Variants in HNRNPCL1 observed in about 807,000 individuals in gnomAD.
The protein encoded by HNRNPCL1 is heterogeneous nuclear ribonucleoprotein C-like 1.
In HNRNPCL1, 15 loss-of-function variants were observed where a neutral mutation model predicts 19.0. The observed-to-expected ratio is 0.79, with a 90% CI of 0.53 to 1.22. The LOEUF (loss-of-function observed/expected upper bound fraction) is 1.22, where lower values mean the gene tolerates loss of function less well. HNRNPCL1 is among the 50% of genes most tolerant of loss of function. The pLI is 0.00. For missense variants in HNRNPCL1, 327 were observed against 354.7 expected, an observed-to-expected ratio of 0.92 and a Z score of 0.63; for synonymous variants, 110 against 129.1, an observed-to-expected ratio of 0.85 and a Z score of 1.00.
Position 12,847,842 on chromosome 1 carries a change from C to T in HNRNPCL1, c.448G>A (p.Gly150Arg), listed in dbSNP as rs746258797. Residue 150 changes from glycine to arginine, a missense_variant, in exon 2 of 2, where the codon GGA becomes AGA. Gly to Arg is a moderately radical substitution (Grantham distance 125, BLOSUM62 -2). Transcript: ENST00000317869. Reference protein sequence around the residue: ...VVPSKRQRLSGNTSRRGKSGF... With the variant: ...VVPSKRQRLSRNTSRRGKSGF... ...CTTTTGCCCCTTCGTGAGGTGTTTC[C>T]TGATAGACGTTGACGTTTCGAGGGC... 2 of 1,606,648 alleles carry T rather than the reference C, an allele frequency of 1.2e-6. No individual in the cohort carries two copies. Among genetic ancestry groups the T allele is most frequent in the South Asian group, 1.1e-5 (1 of 90,474 alleles).
rs143019406 is a variant in HNRNPCL1, at chr1:12,847,880, G to T, written c.410C>A (p.Ala137Asp). 1.0e-5 allele frequency: 16 copies of T among 1,606,524 alleles called. 1 individual carries two copies. In the African/African-American group the frequency reaches 1.5e-4, roughly 15 times the overall value. The change falls in exon 2 of 2, where the codon GCT (alanine) becomes GAT (aspartate). Residue 137 changes from alanine (A) to aspartate (D), a missense_variant. Ala to Asp is a moderately radical substitution (Grantham distance 126, BLOSUM62 -2). Transcript: ENST00000317869. The part of the protein sequence containing the change: ...PARVPPPPPI[A>D]LAVVPSKRQR... ...ACGTTTCGAGGGCACTACAGCCAGA[G>T]CAATGGGAGGAGGAGGAGGTACACG...
rs772042665 is a variant in HNRNPCL1, at chr1:12,848,029, C to T, written c.261G>A (p.Glu87=). 383 of 1,607,160 alleles carry T rather than the reference C, an allele frequency of 2.4e-4. 11 individuals carry two copies. The highest frequency in any genetic ancestry group is 3.0e-4 in the Non-Finnish European group (357 of 1,176,794). The change falls in exon 2 of 2, where the codon GAG becomes GAA. Residue 87 remains glutamate, a synonymous_variant. Transcript: ENST00000317869. ...SQVVDINLAA[E]PKVNRGNAGV... ...CTGCGTTTCCTCGGTTCACTTTTGG[C>T]TCCGCAGCCAGGTTAATATCTACAA...
rs2206070 is a variant in HNRNPCL1 at position 12,847,885 on chromosome 1, G to A, written c.405C>T (p.Pro135=). The A allele has an allele frequency of 9.3e-6, 15 of 1,606,462 alleles. No homozygotes were observed. The highest frequency in any genetic ancestry group is 1.3e-5 in the Non-Finnish European group (15 of 1,176,470). Residue 135 remains proline (P), a synonymous_variant, in exon 2 of 2, where the codon CCC becomes CCT. Coordinates refer to ENST00000317869, the MANE Select transcript of HNRNPCL1 (RefSeq NM_001013631.3). ...TCGAGGGCACTACAGCCAGAGCAAT[G>A]GGAGGAGGAGGAGGTACACGTGCTG... is the stretch of plus-strand genomic sequence containing the variant. The part of the protein sequence containing the change: ...SFPARVPPPP[P]IALAVVPSKR...
Position 12,848,361 on chromosome 1 carries a change from TCTC to T in HNRNPCL1, c.-75_-73del, listed in dbSNP as rs1640307043. ...GAGGGAGAAGAGATTCGATTCTAAG[TCTC>T]CTACTGCCGGGTTCTACGGGGAGAA... is the stretch of plus-strand genomic sequence containing the variant. On this transcript the variant is annotated 5_prime_UTR_variant, in exon 2 of 2. Transcript: ENST00000317869. 6.9e-7 allele frequency: 1 copy of T among 1,447,814 alleles called. No homozygotes were observed. The highest frequency in any genetic ancestry group is 1.5e-5 in the African/African-American group (1 of 68,478). 89.7% of individuals were successfully genotyped at this position (1,447,814 alleles called of 1,614,324 possible).
intron 1 of HNRNPCL1, 38 bp downstream of exon 1, chr1:12,848,643 G>C (rs1397913905): frequency 3.3e-6 from 1 of 302,750 alleles, no homozygotes; most frequent in Non-Finnish European, 6.0e-6. Flanking sequence ...CTGACTGTAG[G>C]TCAGATGGGA....
chr1:12,847,512 C>T lies in HNRNPCL1; in HGVS notation c.778G>A (p.Glu260Lys), dbSNP rs745925302. 9.1e-5 allele frequency: 146 copies of T among 1,606,616 alleles called. 10 individuals are homozygous for T. The highest frequency in any genetic ancestry group is 1.2e-4 in the Non-Finnish European group (142 of 1,176,670). The change falls in exon 2 of 2, where the codon GAA (glutamate) becomes AAA (lysine). Residue 260 changes from glutamate to lysine, a missense_variant. Around this residue, in one of 2 missense-constraint regions of HNRNPCL1, gnomAD observed 281 missense variants for 254.7 expected, o/e 1.10. Transcript: ENST00000317869. ...EGDPLDDDVNEDQGDDQLELI... is the reference protein window; with the variant it reads ...EGDPLDDDVNKDQGDDQLELI... ...TCCAGCTGGTCATCCCCCTGATCTT[C>T]ATTAACATCATCATCCAGTGGGTCC...
rs1170278360 is a variant in HNRNPCL1 at position 12,848,368 on chromosome 1, C to G, written c.-79G>C. The G allele has an allele frequency of 3.5e-5, 51 of 1,455,784 alleles. 1 individual carries two copies. Among genetic ancestry groups the G allele is most frequent in the Middle Eastern group, 1.8e-4 (1 of 5,444 alleles). 90.2% of individuals were successfully genotyped at this position (1,455,784 alleles called of 1,614,324 possible). On this transcript the variant is annotated 5_prime_UTR_variant, in exon 2 of 2. Transcript: ENST00000317869. Reference sequence around the variant, plus strand: ...AAGAGATTCGATTCTAAGTCTCCTACTGCCGGGTTCTACGGGGAGAAACTG... The same window carrying G: ...AAGAGATTCGATTCTAAGTCTCCTAGTGCCGGGTTCTACGGGGAGAAACTG...
In HNRNPCL1 at chr1:12,848,348, A is replaced by T; in HGVS notation, c.-59T>A. ...AAACAGGAGGCGGGAGGGAGAAGAGATTCGATTCTAAGTCTCCTACTGCCG... is the reference window on the plus strand; with the variant it reads ...AAACAGGAGGCGGGAGGGAGAAGAGTTTCGATTCTAAGTCTCCTACTGCCG... On this transcript the variant is annotated 5_prime_UTR_variant, in exon 2 of 2. Transcript: ENST00000317869. The T allele has an allele frequency of 4.2e-6, 6 of 1,437,790 alleles. 1 individual carries two copies. The East Asian group carries it at 9.9e-5, about 24-fold the overall frequency. The allele number at this position is 1,437,790 out of a possible 1,614,324, so 89.1% of individuals were successfully genotyped here.
Position 12,847,494 on chromosome 1 carries a change from G to C in HNRNPCL1, c.796C>G (p.Gln266Glu), listed in dbSNP as rs1396780308. 1 of 1,606,300 alleles carries C rather than the reference G, an allele frequency of 6.2e-7. No individual in the cohort carries two copies. Among genetic ancestry groups the C allele is most frequent in the Non-Finnish European group, 8.5e-7 (1 of 1,176,630 alleles). ...TCATCATCCTTGATCAACTCCAGCTGGTCATCCCCCTGATCTTCATTAACA... is the reference window on the plus strand; with the variant it reads ...TCATCATCCTTGATCAACTCCAGCTCGTCATCCCCCTGATCTTCATTAACA... ...DDVNEDQGDD[Q>E]LELIKDDEKE... is the part of the protein sequence containing the mutation. The change falls in exon 2 of 2, where the codon CAG becomes GAG. Residue 266 changes from glutamine to glutamate, a missense_variant. Around this residue, in one of 2 missense-constraint regions of HNRNPCL1, gnomAD observed 281 missense variants for 254.7 expected, o/e 1.10. Coordinates refer to ENST00000317869, the MANE Select transcript of HNRNPCL1 (RefSeq NM_001013631.3).
rs1383906901 is a variant in HNRNPCL1, at chr1:12,847,890, G to T, written c.400C>A (p.Pro134Thr). ...YSFPARVPPP[P>T]PIALAVVPSK... is the part of the protein sequence containing the mutation. ...GGCACTACAGCCAGAGCAATGGGAG[G>T]AGGAGGAGGTACACGTGCTGGGAAA... Residue 134 changes from proline to threonine, a missense_variant, in exon 2 of 2, where the codon CCT (proline) becomes ACT (threonine). Coordinates refer to ENST00000317869, the MANE Select transcript of HNRNPCL1 (RefSeq NM_001013631.3). 1.2e-6 allele frequency: 2 copies of T among 1,606,526 alleles called. No individual in the cohort carries two copies. The highest frequency in any genetic ancestry group is 2.2e-5 in the South Asian group (2 of 90,484).
rs1640297438 is a variant in HNRNPCL1 at position 12,848,042 on chromosome 1, T to C, written c.248A>G (p.Asn83Ser). The change falls in exon 2 of 2, where the codon AAC (asparagine) becomes AGC (serine). Residue 83 changes from asparagine (N) to serine (S), a missense_variant. Coordinates refer to ENST00000317869, the MANE Select transcript of HNRNPCL1 (RefSeq NM_001013631.3). ...GTTCACTTTTGGCTCCGCAGCCAGG[T>C]TAATATCTACAACCTGGCTAGCAAT... ...RMIASQVVDI[N>S]LAAEPKVNRG... is the part of the protein sequence containing the mutation. 1 of 1,606,878 alleles carries C rather than the reference T, an allele frequency of 6.2e-7. No individual in the cohort carries two copies. The highest frequency in any genetic ancestry group is 2.2e-5 in the East Asian group (1 of 44,802).
chr1:12,848,558 C>T (rs1640311668), intron 1 of HNRNPCL1, 88 bp from the exon 2 acceptor site: 5 of 711,452 alleles, frequency 7.0e-6, no homozygotes, highest in Non-Finnish European at 1.1e-5. Context: ...TCAAAGTGTT[C>T]ATATGAAAAA....
At position 12,847,497 on chromosome 1, in the gene HNRNPCL1, C is replaced by T. The variant is rs2359486; in HGVS notation, c.793G>A (p.Asp265Asn). 2 of 1,606,592 alleles carry T rather than the reference C, an allele frequency of 1.2e-6. No individual in the cohort carries two copies. Among genetic ancestry groups the T allele is most frequent in the Non-Finnish European group, 8.5e-7 (1 of 1,176,696 alleles). ...DDDVNEDQGDDQLELIKDDEK... is the reference protein window; with the variant it reads ...DDDVNEDQGDNQLELIKDDEK... The stretch of plus-strand genomic sequence containing the variant: ...TCATCCTTGATCAACTCCAGCTGGT[C>T]ATCCCCCTGATCTTCATTAACATCA... Residue 265 changes from aspartate to asparagine, a missense_variant, in exon 2 of 2, where the codon GAC becomes AAC. Around this residue, in one of 2 missense-constraint regions of HNRNPCL1, gnomAD observed 281 missense variants for 254.7 expected, o/e 1.10. Coordinates refer to ENST00000317869, the MANE Select transcript of HNRNPCL1 (RefSeq NM_001013631.3).
At chr1:12,848,552 A>C (rs1211947501) in intron 1 of HNRNPCL1, 82 bp from the exon 2 acceptor site, 5 of 737,828 alleles carry the variant, frequency 6.8e-6, no homozygotes, top group Non-Finnish European at 1.0e-5. Flanking sequence ...AAAGCTTCAA[A>C]GTGTTCATAT....
intron 1 of HNRNPCL1, 42 bp downstream of exon 1, chr1:12,848,639 G>A (rs1049161530): frequency 8.5e-5 from 27 of 318,422 alleles, no homozygotes; most frequent in East Asian, 6.2e-4. Flanking sequence ...CCGGCTGACT[G>A]TAGGTCAGAT....
In HNRNPCL1 at chr1:12,847,393, A is replaced by C. The variant is rs1214348555; in HGVS notation, c.*15T>G. On this transcript the variant is annotated 3_prime_UTR_variant, in exon 2 of 2. Transcript: ENST00000317869. ...AAGAAACAATGGGATAAGATTTCTC[A>C]ACCCCACTATGTGCTTAAGAGTCAT... The C allele has an allele frequency of 3.7e-6, 6 of 1,605,882 alleles. No individual in the cohort carries two copies. The East Asian group carries it at 1.3e-4, about 36-fold the overall frequency.
In HNRNPCL1 at chr1:12,848,672, G is replaced by A; in HGVS notation, c.-182+9C>T. ...GATGGGAGTGTCCTTCCAGAAATTA[G>A]TGACTTACCAGATCTGGTTGTAGTT... On this transcript the variant is annotated intron_variant, in intron 1 of 1. Coordinates refer to ENST00000317869, the MANE Select transcript of HNRNPCL1 (RefSeq NM_001013631.3). 1 of 243,440 alleles carries A rather than the reference G, an allele frequency of 4.1e-6. No homozygotes were observed. The highest frequency in any genetic ancestry group is 8.4e-5 in the East Asian group (1 of 11,840). The allele number at this position is 243,440 out of a possible 1,614,324, so 15.1% of individuals were successfully genotyped here. A position where few individuals can be genotyped will look rare whatever the true frequency, so the allele number is the denominator to read the frequency against.
chr1:12,847,953 A>C lies in HNRNPCL1; in HGVS notation c.337T>G (p.Tyr113Asp), dbSNP rs763048026. 2 of 1,607,498 alleles carry C rather than the reference A, an allele frequency of 1.2e-6. No individual in the cohort carries two copies. Among genetic ancestry groups the C allele is most frequent in the Non-Finnish European group, 1.7e-6 (2 of 1,177,044 alleles). ...EMYGSSFDLDYGFQRDYYDGM... is the reference protein window; with the variant it reads ...EMYGSSFDLDDGFQRDYYDGM... ...TCATAATAATCCCGTTGAAAGCCAT[A>C]GTCCAAGTCAAAAGAGGAGCCGTAC... Residue 113 changes from tyrosine (Y) to aspartate (D), a missense_variant, in exon 2 of 2, where the codon TAT becomes GAT. Tyr to Asp is a radical substitution (Grantham distance 160). Coordinates refer to ENST00000317869, the MANE Select transcript of HNRNPCL1 (RefSeq NM_001013631.3).
At position 12,848,007 on chromosome 1, in the gene HNRNPCL1, C is replaced by T. The variant is rs753422921; in HGVS notation, c.283G>A (p.Ala95Thr). The change falls in exon 2 of 2, where the codon GCA becomes ACA. Residue 95 changes from alanine (A) to threonine (T), a missense_variant. By Grantham distance (58) the Ala-to-Thr change is moderately conservative (BLOSUM62 0). Coordinates refer to ENST00000317869, the MANE Select transcript of HNRNPCL1 (RefSeq NM_001013631.3). ...AAEPKVNRGN[A>T]GVKRSAAEMY... The stretch of plus-strand genomic sequence containing the variant: ...TCCGCTGCTGATCGTTTCACACCTG[C>T]GTTTCCTCGGTTCACTTTTGGCTCC... The T allele has an allele frequency of 1.0e-5, 16 of 1,607,486 alleles. No individual in the cohort carries two copies. The Middle Eastern group carries it at 1.5e-3, about 149-fold the overall frequency.
Sources: gnomAD v4.1 joint callset for allele counts on GRCh38, gnomAD v4.1.1 for gene constraint, gnomAD v4.1.1 regional missense constraint, MANE v1.5 for transcripts, NCBI Gene and HGNC (gene_info 2026-07-23, HGNC 2026-07-21) for gene names.